The following EYS variants were observed in gnomAD, a reference collection of about 807,000 sequenced individuals.
EYS encodes the protein EGF-like photoreceptor maintenance factor.
In EYS, 250 loss-of-function variants were observed where a neutral mutation model predicts 282.1. The observed-to-expected ratio is 0.89, with a 90% CI of 0.80 to 0.98. The LOEUF is 0.98. Ranked by LOEUF, EYS falls within the 50% of genes least tolerant of loss-of-function variation. The probability of loss-of-function intolerance (pLI) is 0.00; values close to 1 mark genes in which losing one functional copy is unlikely to be tolerated. For synonymous variants in EYS, 1,355 were observed against 1,282.9 expected (o/e 1.06, Z -1.20); for missense variants, 4,016 against 3,709.0 (o/e 1.08, Z -2.15).
intron 1 of EYS, among the ~76,000 whole-genome samples, chr6:65,700,848 G>T (rs558468980): frequency 6.0e-4 from 91 of 152,252 alleles, no homozygotes; most frequent in Non-Finnish European, 1.1e-3. Flanking sequence ...TATAGTGTGG[G>T]TTTTGTGTAT....
At chr6:64,628,897 C>T (rs1010511673) in intron 22 of EYS, among the ~76,000 whole-genome samples, 1 of 152,112 alleles carries the variant, frequency 6.6e-6, no homozygotes, top group Non-Finnish European at 1.5e-5. Context: ...GACTATGTAT[C>T]CAGTTTCCTT....
At chr6:64,544,868 G>A (rs1362047484) in intron 26 of EYS, among the ~76,000 whole-genome samples, 3 of 152,094 alleles carry the variant, frequency 2.0e-5, no homozygotes, top group Non-Finnish European at 4.4e-5. Context: ...CTGAAATTGA[G>A]GCCATAATTA....
intron 36 of EYS, among the ~76,000 whole-genome samples, chr6:63,863,638 T>TTTTTTTCTTTTCTTTTC (rs1488816876): frequency 2.4e-5 from 3 of 123,760 alleles, no homozygotes; most frequent in African/African-American, 9.5e-5. Context: ...TCATTACCAC[T>TTTTTTTCTTTTCTTTTC]TTTTCTTTTC....
chr6:65,183,574 C>T (rs930196603), intron 12 of EYS, among the ~76,000 whole-genome samples: 2 of 151,760 alleles, frequency 1.3e-5, no homozygotes, highest in Non-Finnish European at 2.9e-5. Context: ...TCCTTAATTA[C>T]TTTATCAAAT....
intron 13 of EYS, among the ~76,000 whole-genome samples, chr6:65,014,870 T>C (rs1012889128): frequency 1.3e-5 from 2 of 152,140 alleles, no homozygotes; most frequent in Non-Finnish European, 2.9e-5. Context: ...GTTGAGGATT[T>C]TGTTGTGGTA....
chr6:65,451,175 T>G (rs1288504452), intron 5 of EYS, among the ~76,000 whole-genome samples: 5 of 152,058 alleles, frequency 3.3e-5, no homozygotes, highest in Non-Finnish European at 7.4e-5. Flanking sequence ...AGAAAGACAA[T>G]GCATGCAGAT....
At chr6:64,222,986 AT>A (rs1236951176) in intron 31 of EYS, among the ~76,000 whole-genome samples, 1 of 152,006 alleles carries the variant, frequency 6.6e-6, no homozygotes, top group East Asian at 1.9e-4. Flanking sequence ...ACTCATGTTC[AT>A]GACAGCATAC....
At chr6:65,348,499 T>C (rs1770484014) in intron 9 of EYS, among the ~76,000 whole-genome samples, 1 of 151,822 alleles carries the variant, frequency 6.6e-6, no homozygotes, top group South Asian at 2.1e-4. Flanking sequence ...CATATGCCTG[T>C]TTGCTATTTG....
intron 13 of EYS, among the ~76,000 whole-genome samples, chr6:65,012,810 C>CAAAAAAAAAAA (rs3033918): frequency 2.6e-5 from 3 of 117,640 alleles, no homozygotes; most frequent in South Asian, 2.8e-4. Context: ...CCAAGTACAG[C>CAAAAAAAAAAA]AAAAAAAAAA....
intron 33 of EYS, among the ~76,000 whole-genome samples, chr6:64,061,835 C>A (rs1225540726): frequency 6.6e-6 from 1 of 151,858 alleles, no homozygotes; most frequent in Non-Finnish European, 1.5e-5. Flanking sequence ...ACTAAAAATA[C>A]AAAAGTTAGC....
intron 35 of EYS, among the ~76,000 whole-genome samples, chr6:63,958,411 T>A (rs1765912425): frequency 1.0e-5 from 1 of 96,082 alleles, no homozygotes. Context: ...TTACACGAGG[T>A]TTGCTATGGT....
At position 65,164,190 on chromosome 6, in the gene EYS, C is replaced by A. The variant is rs563684223; in HGVS notation, c.2024-106463G>T. 7.3e-5 allele frequency among the ~76,000 whole-genome samples: 11 copies of A among 151,438 alleles called. 1 individual carries two copies. The South Asian group carries it at 2.3e-3, about 31-fold the overall frequency. On this transcript the variant is annotated intron_variant, in intron 12 of 42. Transcript: ENST00000503581. The stretch of plus-strand genomic sequence containing the variant: ...AACTGCATATTTGCAAGACTACAAT[C>A]ATTTAAATATGTTAACTTTGTTTTA...
chr6:65,679,375 T>G (rs1024192780), intron 1 of EYS, among the ~76,000 whole-genome samples: 1 of 151,884 alleles, frequency 6.6e-6, no homozygotes, highest in African/African-American at 2.4e-5. Flanking sequence ...AAGAAGGAAG[T>G]CCTGTCATCT....
chr6:63,759,817 C>T (rs1769586927), intron 41 of EYS, among the ~76,000 whole-genome samples: 1 of 152,044 alleles, frequency 6.6e-6, no homozygotes, highest in African/African-American at 2.4e-5. Context: ...TGTGTTGGAC[C>T]AATTTCTCTA....
intron 30 of EYS, among the ~76,000 whole-genome samples, chr6:64,243,473 C>T (rs1766904004): frequency 6.6e-6 from 1 of 152,178 alleles, no homozygotes; most frequent in African/African-American, 2.4e-5. Context: ...CAGCACATAG[C>T]TCCTGAGGTC....
intron 5 of EYS, among the ~76,000 whole-genome samples, chr6:65,450,949 C>T (rs4422600): frequency 0.39 from 59,573 of 151,790 alleles, 12,181 homozygotes; most frequent in Admixed American, 0.52. Context: ...TAATTTATCT[C>T]CCTTTTAACT....
chr6:65,443,187 A>G lies in EYS; in HGVS notation c.863-37820T>C, dbSNP rs371219563. ...ATGAGCACATATGTGCACATCATAT[A>G]CATATGTGCGCACATATATGTATGC... On this transcript the variant is annotated intron_variant, in intron 5 of 42. Transcript: ENST00000503581. Among the ~76,000 whole-genome samples the G allele has an allele frequency of 1.6e-4, 25 of 152,018 alleles. 1 individual carries two copies. In the South Asian group the frequency reaches 5.0e-3, roughly 30 times the overall value.
At chr6:64,349,645 A>C (rs76556729) in intron 29 of EYS, among the ~76,000 whole-genome samples, 5,249 of 149,282 alleles carry the variant, frequency 0.035, 215 homozygotes, top group African/African-American at 0.096. Context: ...AAAATAAAGG[A>C]ATGTTATTTA....
intron 33 of EYS, among the ~76,000 whole-genome samples, chr6:64,027,743 G>A (rs972768842): frequency 6.6e-6 from 1 of 152,322 alleles, no homozygotes; most frequent in East Asian, 1.9e-4. Flanking sequence ...ATCACTGGAA[G>A]GTGCACTGCC....
Sources: gnomAD v4.1 joint callset for allele counts (sites outside exome capture counted in the v4.1 genomes callset) on GRCh38, gnomAD v4.1.1 for gene constraint, MANE v1.5 for transcripts, NCBI Gene and HGNC (gene_info 2026-07-23, HGNC 2026-07-21) for gene names.